Variants in WWC2 observed in about 807,000 individuals in gnomAD.
WWC2 encodes protein WWC2.
In WWC2, 101 loss-of-function variants were observed where a neutral mutation model predicts 138.5. The ratio of observed to expected loss-of-function variants is 0.73; its 90% CI spans 0.62 to 0.86. WWC2 has a LOEUF of 0.86. Ranked by LOEUF, WWC2 falls within the 40% of genes least tolerant of loss-of-function variation. WWC2 has a pLI of 0.00. For synonymous variants in WWC2, 558 were observed against 538.4 expected, an observed-to-expected ratio of 1.04 and a Z score of -0.50; for missense variants, 1,420 against 1,419.4, an observed-to-expected ratio of 1.00 and a Z score of -0.01.
chr4:183,262,808 TAGG>T (rs937805095), intron 11 of WWC2, among the ~76,000 whole-genome samples: 2 of 151,848 alleles, frequency 1.3e-5, no homozygotes, highest in Admixed American at 6.6e-5. Flanking sequence ...GTGTGTGTGT[TAGG>T]GGGTGCATAC....
Position 183,099,422 on chromosome 4 carries a change from C to A in WWC2, c.-70C>A, listed in dbSNP as rs1364631472. The stretch of plus-strand genomic sequence containing the variant: ...GTCGCGGGTTGGCAGCCTAGCCCGG[C>A]AGCCGCGTTCCCGCCGCGTCCCGCG... On this transcript the variant is annotated 5_prime_UTR_variant, in exon 1 of 23. Coordinates refer to ENST00000403733, the MANE Select transcript of WWC2 (RefSeq NM_024949.6). The A allele has an allele frequency of 1.7e-6, 2 of 1,186,400 alleles. No individual in the cohort carries two copies. The highest frequency in any genetic ancestry group is 4.6e-5 in the Admixed American group (1 of 21,536). The allele number at this position is 1,186,400 out of a possible 1,614,324, so 73.5% of individuals were successfully genotyped here. A position where few individuals can be genotyped will look rare whatever the true frequency, so the allele number is the denominator to read the frequency against.
intron 7 of WWC2, 141 bp from the exon 8 acceptor site, chr4:183,249,777 AGT>A: frequency 1.6e-6 from 1 of 621,884 alleles, no homozygotes; most frequent in Non-Finnish European, 2.8e-6. Context: ...CAATAAAATA[AGT>A]GTCTTTTAAA....
rs1281800937 is a variant in WWC2, at chr4:183,318,105, T to G, written c.*2376T>G. 6.6e-6 allele frequency: 1 copy of G among 152,228 alleles called. No homozygotes were observed. Among genetic ancestry groups the G allele is most frequent in the Non-Finnish European group, 1.5e-5 (1 of 68,024 alleles). The allele number at this position is 152,228 out of a possible 1,614,324, so 9.4% of individuals were successfully genotyped here. Reference sequence around the variant, plus strand: ...AATTTTAATATTATAAATACTATTTTTAAAAGGTAGAATTTATTCGCACAG... The same window carrying G: ...AATTTTAATATTATAAATACTATTTGTAAAAGGTAGAATTTATTCGCACAG... On this transcript the variant is annotated 3_prime_UTR_variant, in exon 23 of 23. Coordinates refer to ENST00000403733, the MANE Select transcript of WWC2 (RefSeq NM_024949.6).
intron 1 of WWC2, among the ~76,000 whole-genome samples, chr4:183,116,062 G>A (rs548255927): frequency 1.1e-4 from 17 of 152,082 alleles, no homozygotes; most frequent in Non-Finnish European, 2.4e-4. Flanking sequence ...CATATGACTG[G>A]CCAGTTATCC....
chr4:183,118,396 C>CT (rs374676246), intron 1 of WWC2, among the ~76,000 whole-genome samples: 9 of 151,328 alleles, frequency 5.9e-5, no homozygotes, highest in Admixed American at 3.3e-4. Flanking sequence ...GGTTGCTGCA[C>CT]TTTTTTTTTC....
intron 4 of WWC2, among the ~76,000 whole-genome samples, chr4:183,234,935 G>A (rs1368922747): frequency 6.6e-6 from 1 of 152,178 alleles, no homozygotes; most frequent in African/African-American, 2.4e-5. Context: ...ACAGAAGAGT[G>A]AAAACAGTGA....
In WWC2 at chr4:183,268,959, T is replaced by C. The variant is rs759332433; in HGVS notation, c.2208-12T>C. 5 of 1,604,334 alleles carry C rather than the reference T, an allele frequency of 3.1e-6. No homozygotes were observed. The highest frequency in any genetic ancestry group is 4.3e-6 in the Non-Finnish European group (5 of 1,176,282). ...GTACCTATGAAATCCATTTTATTCT[T>C]GTTCTTTGCAGATATTTTAGGGTTG... On this transcript the variant is annotated splice_polypyrimidine_tract_variant and intron_variant, in intron 14 of 22. Transcript: ENST00000403733.
chr4:183,170,466 G>C (rs1430611500), intron 1 of WWC2, among the ~76,000 whole-genome samples: 1 of 152,180 alleles, frequency 6.6e-6, no homozygotes, highest in African/African-American at 2.4e-5. Flanking sequence ...TGGACGGTGG[G>C]TGGGGTAAAG....
chr4:183,220,798 C>T lies in WWC2; in HGVS notation c.522+11773C>T, dbSNP rs185415706. ...GCAGTGAGCCAACATCGTGCCACTG[C>T]ACCCCAGCCTGGGCGACAGAGCGAG... is the stretch of plus-strand genomic sequence containing the variant. On this transcript the variant is annotated intron_variant, in intron 4 of 22. Transcript: ENST00000403733. 8.2e-4 allele frequency among the ~76,000 whole-genome samples: 123 copies of T among 150,828 alleles called. No individual in the cohort carries two copies. In the Middle Eastern group the frequency reaches 0.02, roughly 25 times the overall value.
At chr4:183,145,980 C>T (rs1733444075) in intron 1 of WWC2, among the ~76,000 whole-genome samples, 1 of 152,170 alleles carries the variant, frequency 6.6e-6, no homozygotes, top group Non-Finnish European at 1.5e-5. Flanking sequence ...AATGTGTCTA[C>T]TTGAAGGATT....
intron 16 of WWC2, among the ~76,000 whole-genome samples, chr4:183,279,589 G>A (rs1280898292): frequency 6.6e-6 from 1 of 152,160 alleles, no homozygotes; most frequent in Admixed American, 6.5e-5. Flanking sequence ...GAATTCGGCT[G>A]TGAATCCATC....
Position 183,195,502 on chromosome 4 carries a change from A to G in WWC2, c.241+1794A>G, listed in dbSNP as rs115384735. Among the ~76,000 whole-genome samples, 554 of 152,246 alleles carry G rather than the reference A, an allele frequency of 3.6e-3. 3 individuals carry two copies. Among genetic ancestry groups the G allele is most frequent in the African/African-American group, 0.013 (522 of 41,540 alleles). ...CCTCCACCCCTACAGATACCTCTTA[A>G]TAACTTTTCTATTTCATCATTCTCT... On this transcript the variant is annotated intron_variant, in intron 2 of 22. Coordinates refer to ENST00000403733, the MANE Select transcript of WWC2 (RefSeq NM_024949.6).
At chr4:183,135,195 C>T (rs549256947) in intron 1 of WWC2, among the ~76,000 whole-genome samples, 33 of 152,086 alleles carry the variant, frequency 2.2e-4, no homozygotes, top group Non-Finnish European at 2.9e-4. Flanking sequence ...CTGGGATTAC[C>T]GGAGTGAGCG....
At chr4:183,130,576 A>G (rs537728280) in intron 1 of WWC2, among the ~76,000 whole-genome samples, 19 of 152,324 alleles carry the variant, frequency 1.2e-4, no homozygotes, top group African/African-American at 4.1e-4. Context: ...CAGCAACTCT[A>G]AGAGGTAGAC....
chr4:183,215,917 A>T (rs562915730), intron 4 of WWC2, among the ~76,000 whole-genome samples: 19 of 152,304 alleles, frequency 1.2e-4, no homozygotes, highest in African/African-American at 4.1e-4. Flanking sequence ...AGCAAACAGG[A>T]TTGACAGGAA....
chr4:183,289,789 CT>C (rs376418534), intron 21 of WWC2, among the ~76,000 whole-genome samples, 154 bp downstream of exon 21: 181 of 140,312 alleles, frequency 1.3e-3, no homozygotes, highest in Non-Finnish European at 1.5e-3. Flanking sequence ...GTTATAGGCC[CT>C]TTTTTTTTTT....
intron 4 of WWC2, among the ~76,000 whole-genome samples, 167 bp downstream of exon 4, chr4:183,209,192 G>T (rs969169264): frequency 3.3e-5 from 5 of 152,082 alleles, no homozygotes; most frequent in African/African-American, 1.2e-4. Flanking sequence ...TTCAGAGTGT[G>T]GGATAGTCTT....
In WWC2 at chr4:183,146,719, A is replaced by G. The variant is rs530160324; in HGVS notation, c.132-46880A>G. On this transcript the variant is annotated intron_variant, in intron 1 of 22. Transcript: ENST00000403733. ...GGGGCTGGGGCTGGGGAATGTGACA[A>G]TGACAACGTTGTCAGCACGAAAAGA... 3.2e-4 allele frequency among the ~76,000 whole-genome samples: 48 copies of G among 152,216 alleles called. 1 individual carries two copies. In the South Asian group the frequency reaches 5.6e-3, roughly 18 times the overall value.
At chr4:183,168,169 C>A (rs986869600) in intron 1 of WWC2, among the ~76,000 whole-genome samples, 4 of 10,536 alleles carry the variant, frequency 3.8e-4, no homozygotes, top group Non-Finnish European at 9.8e-4. Context: ...TTTTTCTTTT[C>A]TTTTCTTTCT....
Sources: allele counts gnomAD v4.1 joint callset (sites outside exome capture counted in the v4.1 genomes callset), GRCh38; gene constraint gnomAD v4.1.1; transcripts MANE v1.5; gene names NCBI Gene and HGNC (gene_info 2026-07-23, HGNC 2026-07-21).